Variants in NOMO2 observed in about 807,000 individuals in gnomAD.
NOMO2 encodes NODAL modulator 2.
NOMO2 carries 14 observed loss-of-function variants against 67.1 expected under a neutral mutation model. That is an observed-to-expected ratio of 0.21 (90% CI 0.14 to 0.33). The LOEUF (loss-of-function observed/expected upper bound fraction) is 0.33. Ranked by LOEUF, NOMO2 falls within the 10% of genes least tolerant of loss-of-function variation. NOMO2 has a pLI of 1.00. For missense variants in NOMO2, 178 were observed against 761.0 expected, an observed-to-expected ratio of 0.23 and a Z score of 9.01; for synonymous variants, 80 against 305.9, an observed-to-expected ratio of 0.26 and a Z score of 7.71.
At chr16:18,535,187 T>G (rs1204623383) in intron 11 of NOMO2, among the ~76,000 whole-genome samples, 2 of 138,132 alleles carry the variant, frequency 1.4e-5, no homozygotes, top group East Asian at 4.2e-4. Flanking sequence ...AATATAAAAA[T>G]TAGCCTGTAA....
intron 15 of NOMO2, among the ~76,000 whole-genome samples, chr16:18,528,822 G>C (rs1901212581): frequency 1.3e-5 from 2 of 150,256 alleles, no homozygotes; most frequent in South Asian, 4.3e-4. Flanking sequence ...GAAAAAAAAA[G>C]CTGAGCATGG....
chr16:18,535,908 T>G (rs1212056906), intron 11 of NOMO2, among the ~76,000 whole-genome samples: 1 of 152,106 alleles, frequency 6.6e-6, no homozygotes, highest in South Asian at 2.1e-4. Context: ...GCGATTCTCC[T>G]GCCTCAGCCT....
At chr16:18,539,626 A>G (rs868516538) in intron 9 of NOMO2, among the ~76,000 whole-genome samples, 2,910 of 149,780 alleles carry the variant, frequency 0.019, 1 homozygote, top group African/African-American at 0.069. Context: ...GTGTGGTGGC[A>G]GGCGCCTGTA....
chr16:18,549,300 A>AT (rs1901724962), intron 5 of NOMO2, among the ~76,000 whole-genome samples: 1 of 149,606 alleles, frequency 6.7e-6, no homozygotes, highest in African/African-American at 2.4e-5. Flanking sequence ...GTATGAACTC[A>AT]TATTTAATCA....
intron 11 of NOMO2, among the ~76,000 whole-genome samples, chr16:18,536,454 GTTATT>G (rs1169977031): frequency 6.3e-5 from 9 of 143,004 alleles, no homozygotes; most frequent in Non-Finnish European, 1.4e-4. Flanking sequence ...TTAAAATCTT[GTTATT>G]TTATTTTTTA....
intron 1 of NOMO2, among the ~76,000 whole-genome samples, chr16:18,561,183 A>AC (rs1298713377): frequency 2.4e-4 from 30 of 125,596 alleles, no homozygotes; most frequent in South Asian, 1.9e-3. Context: ...TAAAAAAAAA[A>AC]AAAAAAAAAA....
intron 1 of NOMO2, among the ~76,000 whole-genome samples, chr16:18,561,529 CGAG>C (rs1224738670): frequency 1.3e-5 from 2 of 150,052 alleles, no homozygotes; most frequent in Non-Finnish European, 3.0e-5. Context: ...GGGTCTGATT[CGAG>C]GAGATCTCAG....
rs1193836711 is a variant in NOMO2, at chr16:18,531,320, T to C, written c.1537+146A>G. On this transcript the variant is annotated intron_variant, in intron 13 of 30. Coordinates refer to ENST00000622306, the MANE Select transcript of NOMO2 (RefSeq NM_173614.4). ...ACGGAGTGCTTCTTTCAAGCTAACA[T>C]GCACCCACTTGACTCCAAGAAGCCT... 1.8e-5 allele frequency: 22 copies of C among 1,256,608 alleles called. No individual in the cohort carries two copies. The East Asian group carries it at 4.4e-4, about 25-fold the overall frequency. 77.8% of individuals were successfully genotyped at this position (1,256,608 alleles called of 1,614,324 possible).
intron 5 of NOMO2, among the ~76,000 whole-genome samples, chr16:18,547,886 GC>G (rs1472008175): frequency 6.7e-6 from 1 of 149,022 alleles, no homozygotes; most frequent in Non-Finnish European, 1.5e-5. Flanking sequence ...GAAACCAGCA[GC>G]TGATGAAAAT....
intron 6 of NOMO2, among the ~76,000 whole-genome samples, chr16:18,545,476 T>C (rs1186632198): frequency 2.6e-5 from 4 of 151,600 alleles, no homozygotes; most frequent in Non-Finnish European, 5.9e-5. Context: ...AGAAGAGACA[T>C]CTAGGTGTGA....
intron 1 of NOMO2, 22 bp from the exon 2 acceptor site, chr16:18,557,813 C>T: frequency 6.4e-7 from 1 of 1,569,012 alleles, no homozygotes; most frequent in Non-Finnish European, 8.7e-7. Context: ...GGAAGGAAAA[C>T]AGAAATCATA....
Position 18,533,181 on chromosome 16 carries a change from T to G in NOMO2, c.1221-2A>C, listed in dbSNP as rs752670587. ...GATATCCGACCACAGACACTGAACC[T>G]GCAAAGAGAAGACCATTCATTCCAG... On this transcript the variant is annotated splice_acceptor_variant, in intron 11 of 30. Transcript: ENST00000622306. LOFTEE classifies it high-confidence loss of function. 2.5e-6 allele frequency: 4 copies of G among 1,611,112 alleles called. No individual in the cohort carries two copies. The highest frequency in any genetic ancestry group is 3.4e-6 in the Non-Finnish European group (4 of 1,179,686).
chr16:18,550,630 T>A (rs1901762686), intron 4 of NOMO2, among the ~76,000 whole-genome samples: 1 of 152,116 alleles, frequency 6.6e-6, no homozygotes, highest in East Asian at 1.9e-4. Flanking sequence ...AGAATCTGAA[T>A]CGCGGGAGCT....
intron 6 of NOMO2, among the ~76,000 whole-genome samples, chr16:18,545,262 AT>A (rs1364968654): frequency 6.8e-6 from 1 of 146,484 alleles, no homozygotes; most frequent in South Asian, 2.2e-4. Context: ...TTCCTGGCTA[AT>A]TTTTTTCTAT....
rs542699934 is a variant in NOMO2 at position 18,540,439 on chromosome 16, C to T, written c.964-1475G>A. Among the ~76,000 whole-genome samples, 1,121 of 150,750 alleles carry T rather than the reference C, an allele frequency of 7.4e-3. 1 individual carries two copies. The highest frequency in any genetic ancestry group is 0.026 in the African/African-American group (1,068 of 40,466). On this transcript the variant is annotated intron_variant, in intron 9 of 30. Transcript: ENST00000622306. Reference sequence around the variant, plus strand: ...TGACCTCAGGGAACTTACAGGGCCCCATTCCCTGAAATTCCATTCATCATT... The same window carrying T: ...TGACCTCAGGGAACTTACAGGGCCCTATTCCCTGAAATTCCATTCATCATT...
intron 6 of NOMO2, among the ~76,000 whole-genome samples, chr16:18,545,296 C>A (rs1385632825): frequency 6.7e-6 from 1 of 149,292 alleles, no homozygotes; most frequent in African/African-American, 2.4e-5. Flanking sequence ...TGCGGTTTCA[C>A]CATGTTGGCC....
intron 2 of NOMO2, among the ~76,000 whole-genome samples, chr16:18,555,537 A>T (rs1170534281): frequency 6.6e-6 from 1 of 150,996 alleles, no homozygotes; most frequent in Non-Finnish European, 1.5e-5. Flanking sequence ...CCTGTCTCTA[A>T]ACAATACATT....
At chr16:18,525,889 GA>G (rs1901134803) in intron 16 of NOMO2, among the ~76,000 whole-genome samples, 1 of 150,512 alleles carries the variant, frequency 6.6e-6, no homozygotes, top group South Asian at 2.1e-4. Flanking sequence ...AAATAGAAGG[GA>G]AAGGCCTAAA....
intron 6 of NOMO2, among the ~76,000 whole-genome samples, chr16:18,545,389 A>G (rs1364902639): frequency 7.5e-4 from 114 of 151,688 alleles, no homozygotes; most frequent in African/African-American, 2.1e-3. Flanking sequence ...GAGCAACTGC[A>G]CCCAGCCTTG....
Sources: allele counts gnomAD v4.1 joint callset (sites outside exome capture counted in the v4.1 genomes callset), GRCh38; gene constraint gnomAD v4.1.1; transcripts MANE v1.5; gene names NCBI Gene and HGNC (gene_info 2026-07-23, HGNC 2026-07-21).